KALRN: variants seen among roughly 807,000 people sequenced by gnomAD.
KALRN encodes kalirin.
KALRN carries 70 observed loss-of-function variants against 353.7 expected under a neutral mutation model. That is an observed-to-expected ratio of 0.20 (90% CI 0.16 to 0.24). KALRN has a LOEUF of 0.24. Among genes scored for constraint, KALRN ranks in the 10% least tolerant of loss-of-function variants. The pLI, the probability that KALRN is intolerant of heterozygous loss-of-function variation, is 1.00. For missense variants in KALRN, 2,791 were observed against 3,756.7 expected (o/e 0.74, Z 6.72); for synonymous variants, 1,391 against 1,434.8 (o/e 0.97, Z 0.69).
At chr3:124,442,278 G>A (rs1192236884) in intron 19 of KALRN, among the ~76,000 whole-genome samples, 1 of 152,144 alleles carries the variant, frequency 6.6e-6, no homozygotes, top group African/African-American at 2.4e-5. Context: ...ATTTCCCCAA[G>A]TATTTTCATT....
At chr3:124,694,644 C>A in intron 53 of KALRN, 141 bp downstream of exon 53, 1 of 784,784 alleles carries the variant, frequency 1.3e-6, no homozygotes, top group South Asian at 1.8e-5. Flanking sequence ...CTTGGGCAAA[C>A]ACTTGGACTT....
At chr3:124,490,550 C>T (rs2063043488) in intron 29 of KALRN, 144 bp from the exon 30 acceptor site, 1 of 657,772 alleles carries the variant, frequency 1.5e-6, no homozygotes, top group African/African-American at 1.8e-5. Context: ...GTTCAGCAGT[C>T]TCTGGAGTTA....
At position 124,035,426 on chromosome 3, in the gene KALRN, C is replaced by G. The variant is rs532824840; in HGVS notation, c.73+1613C>G. ...GTCAATCAAAAACCCAGCTGACCCC[C>G]CTTGCCTCCCAACTGGGGCAAAAGT... On this transcript the variant is annotated intron_variant, in intron 1 of 59. Coordinates refer to ENST00000682506, the MANE Select transcript of KALRN (RefSeq NM_001388419.1). Among the ~76,000 whole-genome samples the G allele has an allele frequency of 5.9e-5, 9 of 152,284 alleles. No homozygotes were observed. In the East Asian group the frequency reaches 1.5e-3, roughly 26 times the overall value.
intron 51 of KALRN, among the ~76,000 whole-genome samples, chr3:124,688,697 A>G (rs998293764): frequency 1.3e-5 from 2 of 152,090 alleles, no homozygotes; most frequent in African/African-American, 2.4e-5. Context: ...GGAATTTGGG[A>G]AAAATGGGAG....
At chr3:124,235,953 G>C (rs1205154794) in intron 3 of KALRN, among the ~76,000 whole-genome samples, 3 of 152,216 alleles carry the variant, frequency 2.0e-5, no homozygotes, top group Admixed American at 6.5e-5. Context: ...AGCAGGTGTT[G>C]AGTGAGGCAA....
chr3:124,532,939 G>GAA (rs200277059), intron 33 of KALRN, among the ~76,000 whole-genome samples: 2 of 131,466 alleles, frequency 1.5e-5, no homozygotes, highest in Non-Finnish European at 1.6e-5. Flanking sequence ...ACTTTTATGG[G>GAA]AAAAAAAAAA....
intron 33 of KALRN, among the ~76,000 whole-genome samples, chr3:124,547,984 T>C (rs1288239859): frequency 2.6e-5 from 4 of 152,212 alleles, no homozygotes; most frequent in Non-Finnish European, 5.9e-5. Context: ...CTCCAGGTTC[T>C]GATTTTTCCT....
At chr3:124,602,948 T>TG (rs1554047015) in intron 34 of KALRN, among the ~76,000 whole-genome samples, 75 of 39,390 alleles carry the variant, frequency 1.9e-3, no homozygotes, top group African/African-American at 8.0e-3. Flanking sequence ...TGGTTTTTTT[T>TG]TTGTTGTTGT....
chr3:124,137,293 G>A (rs549141468), intron 1 of KALRN, among the ~76,000 whole-genome samples: 4 of 152,330 alleles, frequency 2.6e-5, no homozygotes, highest in South Asian at 2.1e-4. Flanking sequence ...TAAGTGTTAA[G>A]TGATTGTTGC....
chr3:124,095,439 A>G (rs1046753471), intron 1 of KALRN, among the ~76,000 whole-genome samples: 10 of 152,162 alleles, frequency 6.6e-5, no homozygotes, highest in African/African-American at 2.4e-4. Flanking sequence ...CATACATGTA[A>G]AATATATAAC....
intron 1 of KALRN, among the ~76,000 whole-genome samples, chr3:124,212,022 A>C (rs904784807): frequency 1.3e-5 from 2 of 152,194 alleles, no homozygotes; most frequent in Non-Finnish European, 2.9e-5. Context: ...AAATAGAATA[A>C]CAGACAAAAA....
At chr3:124,282,608 C>T (rs569498183) in intron 5 of KALRN, among the ~76,000 whole-genome samples, 1 of 152,180 alleles carries the variant, frequency 6.6e-6, no homozygotes, top group South Asian at 2.1e-4. Flanking sequence ...AACTACCAAC[C>T]TCAGGTGATC....
chr3:124,403,609 A>G (rs2091145338), intron 13 of KALRN, among the ~76,000 whole-genome samples: 1 of 152,224 alleles, frequency 6.6e-6, no homozygotes, highest in Non-Finnish European at 1.5e-5. Flanking sequence ...ATGGCATTCA[A>G]GGAAGAAACT....
chr3:124,416,177 A>G (rs1209743305), intron 14 of KALRN, among the ~76,000 whole-genome samples: 1 of 152,208 alleles, frequency 6.6e-6, no homozygotes, highest in Non-Finnish European at 1.5e-5. Context: ...AGATGTGTCC[A>G]GCAGGAAAAG....
At chr3:124,351,193 G>A (rs1256566889) in intron 10 of KALRN, among the ~76,000 whole-genome samples, 1 of 152,192 alleles carries the variant, frequency 6.6e-6, no homozygotes, top group Non-Finnish European at 1.5e-5. Context: ...TGGGAGAAGA[G>A]GAGTGGATTT....
rs776598696 is a variant in KALRN, at chr3:124,413,603, C to A, written c.2480C>A (p.Thr827Asn). The change falls in exon 14 of 60, where the codon ACC (threonine) becomes AAC (asparagine). Residue 827 changes from threonine to asparagine, a missense_variant. Thr to Asn is a moderately conservative substitution (Grantham distance 65). Coordinates refer to ENST00000682506, the MANE Select transcript of KALRN (RefSeq NM_001388419.1). ...TERKLAMNNM[T>N]FEVIQQGQDL... The stretch of plus-strand genomic sequence containing the variant: ...CGGAAGCTAGCCATGAACAACATGA[C>A]CTTTGAGGTTATCCAGCAGGGACAG... 1 of 1,614,092 alleles carries A rather than the reference C, an allele frequency of 6.2e-7. No homozygotes were observed. The highest frequency in any genetic ancestry group is 8.5e-7 in the Non-Finnish European group (1 of 1,180,010).
chr3:124,169,567 A>G (rs1028298071), intron 1 of KALRN, among the ~76,000 whole-genome samples: 3 of 151,992 alleles, frequency 2.0e-5, no homozygotes, highest in South Asian at 2.1e-4. Context: ...CAGTGTGTGT[A>G]GTTTAGGGGG....
chr3:124,597,009 T>C (rs553594147), intron 34 of KALRN, among the ~76,000 whole-genome samples: 3 of 152,110 alleles, frequency 2.0e-5, no homozygotes, highest in African/African-American at 7.2e-5. Context: ...GTTTGTGCTA[T>C]GGCACTCCAA....
chr3:124,659,939 T>C (rs1366867580), intron 43 of KALRN, among the ~76,000 whole-genome samples: 1 of 150,218 alleles, frequency 6.7e-6, no homozygotes, highest in Non-Finnish European at 1.5e-5. Flanking sequence ...ATAATATGTA[T>C]GTATATATTT....
Sources: gnomAD v4.1 joint callset for allele counts (sites outside exome capture counted in the v4.1 genomes callset) on GRCh38, gnomAD v4.1.1 for gene constraint, MANE v1.5 for transcripts, NCBI Gene and HGNC (gene_info 2026-07-23, HGNC 2026-07-21) for gene names.